KDM2B: variants seen among roughly 807,000 people sequenced by gnomAD.
KDM2B encodes the protein lysine-specific demethylase 2B.
A neutral mutation model predicts 150.0 loss-of-function variants in KDM2B; 26 were observed. The observed-to-expected ratio is 0.17, with a 90% confidence interval of 0.13 to 0.24. The LOEUF (loss-of-function observed/expected upper bound fraction) is 0.24. KDM2B is among the 10% of genes least tolerant of loss of function. The probability of loss-of-function intolerance (pLI) is 1.00; values close to 1 mark genes in which losing one functional copy is unlikely to be tolerated. For missense variants in KDM2B, 1,265 were observed against 1,816.9 expected (o/e 0.70, Z 5.52); for synonymous variants, 734 against 729.5 (o/e 1.01, Z -0.10).
intron 6 of KDM2B, among the ~76,000 whole-genome samples, chr12:121,536,727 C>T (rs1480900797): frequency 1.3e-5 from 2 of 151,140 alleles, no homozygotes; most frequent in Non-Finnish European, 2.9e-5. Context: ...CAGCTGAACA[C>T]AGTCTAGGGA....
chr12:121,580,771 C>T lies in KDM2B; in HGVS notation c.126+15G>A. 3 of 1,612,744 alleles carry T rather than the reference C, an allele frequency of 1.9e-6. No homozygotes were observed. The highest frequency in any genetic ancestry group is 2.5e-6 in the Non-Finnish European group (3 of 1,179,446). ...CCTCTTCCTCTTCTTTCATCCACCC[C>T]TCCCCCAACATTACCTGTGTGGCCG... On this transcript the variant is annotated intron_variant, in intron 1 of 22. Coordinates refer to ENST00000377071, the MANE Select transcript of KDM2B (RefSeq NM_032590.5).
At chr12:121,514,457 A>T (rs183522067) in intron 9 of KDM2B, among the ~76,000 whole-genome samples, 1 of 151,878 alleles carries the variant, frequency 6.6e-6, no homozygotes, top group Admixed American at 6.6e-5. Context: ...ATGTCACCGA[A>T]AGATGGGAAG....
At chr12:121,528,543 G>A (rs1448945963) in intron 8 of KDM2B, among the ~76,000 whole-genome samples, 1 of 151,750 alleles carries the variant, frequency 6.6e-6, no homozygotes, top group Non-Finnish European at 1.5e-5. Context: ...CTAGGCAACA[G>A]GGTGAGACTC....
chr12:121,530,131 G>A (rs1204968622), intron 8 of KDM2B, among the ~76,000 whole-genome samples: 1 of 150,724 alleles, frequency 6.6e-6, no homozygotes, highest in Non-Finnish European at 1.5e-5. Context: ...GGGAAGCTGA[G>A]GCAGGAGAAT....
chr12:121,519,169 C>T (rs1317127297), intron 9 of KDM2B, among the ~76,000 whole-genome samples: 2 of 152,228 alleles, frequency 1.3e-5, no homozygotes, highest in Non-Finnish European at 2.9e-5. Context: ...CAGGTGGTCT[C>T]CAGGAAACCC....
intron 22 of KDM2B, among the ~76,000 whole-genome samples, chr12:121,432,831 T>C (rs1043599292): frequency 6.6e-6 from 1 of 152,224 alleles, no homozygotes; most frequent in South Asian, 2.1e-4. Flanking sequence ...GGGATATTTT[T>C]CCCCTGTAAT....
At chr12:121,527,172 C>T (rs1429949820) in intron 8 of KDM2B, among the ~76,000 whole-genome samples, 2 of 150,886 alleles carry the variant, frequency 1.3e-5, no homozygotes, top group African/African-American at 2.4e-5. Context: ...CTCAGCCTCC[C>T]GAGCAGCTGG....
At chr12:121,574,481 G>A (rs1891355596) in intron 4 of KDM2B, 66 bp downstream of exon 4, 1 of 1,495,310 alleles carries the variant, frequency 6.7e-7, no homozygotes, top group African/African-American at 1.4e-5. Context: ...ATGGGCAGGT[G>A]GTGACCGCCT....
the KDM2B span, among the ~76,000 whole-genome samples, chr12:121,415,572 C>T: frequency 9.2e-5 from 14 of 152,012 alleles, no homozygotes; most frequent in African/African-American, 3.1e-4. Flanking sequence ...GCCGAGATTG[C>T]GCCACTGTAC....
intron 4 of KDM2B, among the ~76,000 whole-genome samples, chr12:121,569,846 CT>C (rs1555315646): frequency 3.4e-4 from 49 of 145,656 alleles, no homozygotes; most frequent in South Asian, 4.3e-4. Context: ...TTCTTTCTTT[CT>C]TTTTTTTTTT....
chr12:121,447,196 A>G (rs1374946445), intron 13 of KDM2B, among the ~76,000 whole-genome samples: 9 of 152,162 alleles, frequency 5.9e-5, no homozygotes, highest in South Asian at 2.1e-4. Context: ...CCAAAACAAC[A>G]TATCACAATA....
intron 12 of KDM2B, among the ~76,000 whole-genome samples, chr12:121,472,743 AG>A (rs1319060354): frequency 6.6e-6 from 1 of 152,198 alleles, no homozygotes; most frequent in Non-Finnish European, 1.5e-5. Context: ...TGCTGACCTT[AG>A]AAAGTTACTT....
intron 2 of KDM2B, among the ~76,000 whole-genome samples, chr12:121,576,100 C>A (rs1374142010): frequency 1.3e-5 from 2 of 152,124 alleles, no homozygotes; most frequent in Non-Finnish European, 2.9e-5. Flanking sequence ...TCTCGGCATG[C>A]CCCACCGGTC....
chr12:121,455,990 T>A (rs1156408141), intron 12 of KDM2B, among the ~76,000 whole-genome samples: 1 of 152,214 alleles, frequency 6.6e-6, no homozygotes, highest in Non-Finnish European at 1.5e-5. Flanking sequence ...ATGACGGCCA[T>A]GCCGCGTGAG....
chr12:121,473,545 C>G (rs1383077503), intron 12 of KDM2B, among the ~76,000 whole-genome samples: 2 of 151,800 alleles, frequency 1.3e-5, no homozygotes, highest in Admixed American at 6.6e-5. Flanking sequence ...ATGGAGAAAC[C>G]CTGTCTCTAC....
At chr12:121,441,047 G>C in intron 20 of KDM2B, 23 bp downstream of exon 20, 3 of 1,613,648 alleles carry the variant, frequency 1.9e-6, no homozygotes. Flanking sequence ...AGACACACTC[G>C]GGGCCACTGG....
At position 121,429,807 on chromosome 12, in the gene KDM2B, G is replaced by T; in HGVS notation, c.*481C>A. 2 of 541,030 alleles carry T rather than the reference G, an allele frequency of 3.7e-6. No individual in the cohort carries two copies. The highest frequency in any genetic ancestry group is 3.0e-5 in the South Asian group (1 of 33,046). The allele number at this position is 541,030 out of a possible 1,614,324, so 33.5% of individuals were successfully genotyped here. On this transcript the variant is annotated 3_prime_UTR_variant, in exon 23 of 23. Transcript: ENST00000377071. ...TGCATAAATAACTTTTAAACAATTT[G>T]TACAAAAATAGTTCTGCATAATGTA...
chr12:121,427,624 G>A (rs1872572695), downstream of KDM2B, among the ~76,000 whole-genome samples: 1 of 152,164 alleles, frequency 6.6e-6, no homozygotes. Flanking sequence ...AGTACTCTTG[G>A]GAGAGTTTAT....
At chr12:121,544,613 C>T (rs557459483) in intron 6 of KDM2B, among the ~76,000 whole-genome samples, 1 of 145,354 alleles carries the variant, frequency 6.9e-6, no homozygotes, top group African/African-American at 2.6e-5. Flanking sequence ...CCGTCCCCCC[C>T]CAAAAAAAGA....
Sources: allele counts gnomAD v4.1 joint callset (sites outside exome capture counted in the v4.1 genomes callset), GRCh38; gene constraint gnomAD v4.1.1; transcripts MANE v1.5; gene names NCBI Gene and HGNC (gene_info 2026-07-23, HGNC 2026-07-21).